The following LEMD3 variants were observed in gnomAD, a reference collection of about 807,000 sequenced individuals.
LEMD3 encodes the protein LEM domain containing 3.
A neutral mutation model predicts 95.2 loss-of-function variants in LEMD3; 33 were observed. The ratio of observed to expected loss-of-function variants is 0.35; its 90% CI spans 0.26 to 0.46. The LOEUF is 0.46. Ranked by LOEUF, LEMD3 falls within the 20% of genes least tolerant of loss-of-function variation. The probability of loss-of-function intolerance (pLI) is 1.00; values close to 1 mark genes in which losing one functional copy is unlikely to be tolerated. For missense variants in LEMD3, 1,210 were observed against 1,192.8 expected (o/e 1.01, Z -0.21); for synonymous variants, 525 against 474.6 (o/e 1.11, Z -1.38).
At chr12:65,231,535 TA>T (rs910284225) in intron 4 of LEMD3, among the ~76,000 whole-genome samples, 1 of 151,934 alleles carries the variant, frequency 6.6e-6, no homozygotes, top group African/African-American at 2.4e-5. Flanking sequence ...AAAAAAATTT[TA>T]AATAGCTAGG....
chr12:65,214,400 A>T (rs188113407), intron 2 of LEMD3, among the ~76,000 whole-genome samples: 6 of 152,052 alleles, frequency 3.9e-5, no homozygotes, highest in Admixed American at 1.3e-4. Context: ...TTGAGGCAAA[A>T]ATATATATAT....
intron 1 of LEMD3, among the ~76,000 whole-genome samples, chr12:65,185,156 A>G (rs1229265794): frequency 6.6e-6 from 1 of 152,086 alleles, no homozygotes; most frequent in Non-Finnish European, 1.5e-5. Context: ...AGGGTAAGCC[A>G]TTTGATTGAA....
intron 1 of LEMD3, among the ~76,000 whole-genome samples, chr12:65,196,589 T>TAGG (rs1466740465): frequency 6.6e-6 from 1 of 152,080 alleles, no homozygotes; most frequent in East Asian, 1.9e-4. Context: ...TTCTCAAACT[T>TAGG]ACCTAACTTA....
At chr12:65,177,168 G>T (rs958909174) in intron 1 of LEMD3, among the ~76,000 whole-genome samples, 1 of 152,132 alleles carries the variant, frequency 6.6e-6, no homozygotes, top group African/African-American at 2.4e-5. Flanking sequence ...GTTGAGTAAT[G>T]GCAATTCATG....
intron 4 of LEMD3, among the ~76,000 whole-genome samples, chr12:65,219,664 C>T (rs1180845689): frequency 6.6e-6 from 1 of 152,168 alleles, no homozygotes; most frequent in Non-Finnish European, 1.5e-5. Flanking sequence ...AGAACTTCTT[C>T]ATCTTGTATG....
chr12:65,189,649 C>G (rs1438376301), intron 1 of LEMD3, among the ~76,000 whole-genome samples: 1 of 152,204 alleles, frequency 6.6e-6, no homozygotes, highest in African/African-American at 2.4e-5. Flanking sequence ...ATTTTTCTCT[C>G]TACAGCTGCT....
chr12:65,189,119 A>G (rs1173362287), intron 1 of LEMD3, among the ~76,000 whole-genome samples: 1 of 152,192 alleles, frequency 6.6e-6, no homozygotes, highest in Non-Finnish European at 1.5e-5. Flanking sequence ...CAATGATAGA[A>G]TTGTAGCAAT....
intron 1 of LEMD3, among the ~76,000 whole-genome samples, chr12:65,174,534 G>T (rs985857122): frequency 6.6e-6 from 1 of 152,084 alleles, no homozygotes; most frequent in African/African-American, 2.4e-5. Flanking sequence ...AGGAAACAGT[G>T]AATGGTTATT....
At position 65,169,989 on chromosome 12, in the gene LEMD3, T is replaced by C; in HGVS notation, c.393T>C (p.Ala131=). The C allele has an allele frequency of 6.8e-7, 1 of 1,475,444 alleles. No homozygotes were observed. Among genetic ancestry groups the C allele is most frequent in the Non-Finnish European group, 8.9e-7 (1 of 1,124,862 alleles). The allele number at this position is 1,475,444 out of a possible 1,614,324, so 91.4% of individuals were successfully genotyped here. A position where few individuals can be genotyped will look rare whatever the true frequency, so the allele number is the denominator to read the frequency against. Residue 131 remains alanine, a synonymous_variant, in exon 1 of 13, where the codon GCT becomes GCC. Coordinates refer to ENST00000308330, the MANE Select transcript of LEMD3 (RefSeq NM_014319.5). ...GPGGASAAPA[A]GSKVLLGFSS... Reference sequence around the variant, plus strand: ...GGGGCGCCTCCGCCGCCCCCGCGGCTGGCAGCAAAGTGCTGCTGGGCTTCA... The same window carrying C: ...GGGGCGCCTCCGCCGCCCCCGCGGCCGGCAGCAAAGTGCTGCTGGGCTTCA...
chr12:65,218,671 A>G, intron 4 of LEMD3, 52 bp downstream of exon 4: 1 of 1,005,776 alleles, frequency 9.9e-7, no homozygotes, highest in Non-Finnish European at 1.5e-6. Context: ...AATTATATAA[A>G]TCATTGCTAC....
intron 1 of LEMD3, among the ~76,000 whole-genome samples, chr12:65,174,534 G>A (rs985857122): frequency 6.6e-6 from 1 of 152,084 alleles, no homozygotes; most frequent in African/African-American, 2.4e-5. Flanking sequence ...AGGAAACAGT[G>A]AATGGTTATT....
chr12:65,170,399 A>T lies in LEMD3; in HGVS notation c.803A>T (p.Asp268Val). 1 of 1,614,030 alleles carries T rather than the reference A, an allele frequency of 6.2e-7. No homozygotes were observed. Among genetic ancestry groups the T allele is most frequent in the Middle Eastern group, 1.7e-4 (1 of 6,060 alleles). ...GACTCAGAGGAAGAGGACGACGACGACGTGGCCTCCAGCAGACAGGTATTA... is the reference window on the plus strand; with the variant it reads ...GACTCAGAGGAAGAGGACGACGACGTCGTGGCCTCCAGCAGACAGGTATTA... ...YSDSEEEDDD[D>V]VASSRQVLKD... The change falls in exon 1 of 13, where the codon GAC becomes GTC. Residue 268 changes from aspartate to valine, a missense_variant. Asp to Val is a radical substitution (Grantham distance 152). Around this residue, in one of 2 missense-constraint regions of LEMD3, gnomAD observed 749 missense variants for 622.9 expected, o/e 1.20. Transcript: ENST00000308330.
rs769674069 is a variant in LEMD3 at position 65,240,973 on chromosome 12, C to T, written c.2191C>T (p.Arg731Cys). The change falls in exon 9 of 13, where the codon CGC becomes TGC. Residue 731 changes from arginine (R) to cysteine (C), a missense_variant. By Grantham distance (180) the Arg-to-Cys change is radical. Around this residue, in one of 2 missense-constraint regions of LEMD3, gnomAD observed 461 missense variants for 569.8 expected, o/e 0.81. Transcript: ENST00000308330. Reference sequence around the variant, plus strand: ...CCTTGCTGCTAATGAGTCTAGAGTTCGCACGGAAACACGAAGAATAGGTGG... The same window carrying T: ...CCTTGCTGCTAATGAGTCTAGAGTTTGCACGGAAACACGAAGAATAGGTGG... Reference protein sequence around the residue: ...DFLAANESRVRTETRRIGGAD... With the variant: ...DFLAANESRVCTETRRIGGAD... 2.5e-6 allele frequency: 4 copies of T among 1,613,886 alleles called. No homozygotes were observed. Among genetic ancestry groups the T allele is most frequent in the African/African-American group, 2.7e-5 (2 of 74,912 alleles).
intron 1 of LEMD3, among the ~76,000 whole-genome samples, chr12:65,176,961 A>G (rs1410232609): frequency 6.6e-6 from 1 of 152,210 alleles, no homozygotes; most frequent in Non-Finnish European, 1.5e-5. Flanking sequence ...GTATCTGGTA[A>G]GGATATATAA....
intron 4 of LEMD3, among the ~76,000 whole-genome samples, chr12:65,236,495 G>A (rs1350515600): frequency 6.6e-6 from 1 of 151,848 alleles, no homozygotes; most frequent in Non-Finnish European, 1.5e-5. Context: ...AGGTTGCAGT[G>A]AGGCGAGTTC....
At chr12:65,182,056 G>A (rs1868923244) in intron 1 of LEMD3, among the ~76,000 whole-genome samples, 1 of 152,086 alleles carries the variant, frequency 6.6e-6, no homozygotes, top group Admixed American at 6.5e-5. Flanking sequence ...TGAGAAAACG[G>A]AAAGATAGAG....
In LEMD3 at chr12:65,234,496, G is replaced by A. The variant is rs376380450; in HGVS notation, c.1696-4006G>A. Among the ~76,000 whole-genome samples, 39 of 152,132 alleles carry A rather than the reference G, an allele frequency of 2.6e-4. 1 individual carries two copies. The highest frequency in any genetic ancestry group is 8.7e-4 in the African/African-American group (36 of 41,498). ...CCATTTTCTAATACTCTAGAATGCC[G>A]TATATATATTTGTGGAAATAGTGGC... is the stretch of plus-strand genomic sequence containing the variant. On this transcript the variant is annotated intron_variant, in intron 4 of 12. Coordinates refer to ENST00000308330, the MANE Select transcript of LEMD3 (RefSeq NM_014319.5).
intron 1 of LEMD3, among the ~76,000 whole-genome samples, chr12:65,185,047 C>T (rs1023243674): frequency 6.6e-6 from 1 of 151,894 alleles, no homozygotes; most frequent in Non-Finnish European, 1.5e-5. Context: ...ATTACTCGGG[C>T]CTTGGGCTCA....
chr12:65,231,554 G>A lies in LEMD3; in HGVS notation c.1696-6948G>A, dbSNP rs191009779. On this transcript the variant is annotated intron_variant, in intron 4 of 12. Coordinates refer to ENST00000308330, the MANE Select transcript of LEMD3 (RefSeq NM_014319.5). Reference sequence around the variant, plus strand: ...AAATTTTAAATAGCTAGGTGTGGTGGCACATGGCTCTGTAGACCCTCTGTA... The same window carrying A: ...AAATTTTAAATAGCTAGGTGTGGTGACACATGGCTCTGTAGACCCTCTGTA... 4.3e-3 allele frequency among the ~76,000 whole-genome samples: 660 copies of A among 152,154 alleles called. 6 individuals carry two copies. Among genetic ancestry groups the A allele is most frequent in the African/African-American group, 0.015 (630 of 41,500 alleles).
Sources: allele counts gnomAD v4.1 joint callset (sites outside exome capture counted in the v4.1 genomes callset), GRCh38; gene constraint gnomAD v4.1.1; regional missense constraint gnomAD v4.1.1; transcripts MANE v1.5; gene names NCBI Gene and HGNC (gene_info 2026-07-23, HGNC 2026-07-21).